The following ACTL6A variants were observed in gnomAD, a reference collection of about 807,000 sequenced individuals.
ACTL6A encodes the protein actin-like protein 6A.
ACTL6A carries 5 observed loss-of-function variants against 59.2 expected under a neutral mutation model. That is an observed-to-expected ratio of 0.08 (90% confidence interval 0.04 to 0.18). ACTL6A has a LOEUF of 0.18. ACTL6A is among the 10% of genes least tolerant of loss of function. The probability of loss-of-function intolerance (pLI) is 1.00; values close to 1 mark genes in which losing one functional copy is unlikely to be tolerated. For missense variants in ACTL6A, 285 were observed against 526.9 expected (o/e 0.54, Z 4.49); for synonymous variants, 154 against 171.8 (o/e 0.90, Z 0.81).
intron 1 of ACTL6A, among the ~76,000 whole-genome samples, chr3:179,564,270 A>G (rs948410697): frequency 1.3e-5 from 2 of 152,216 alleles, no homozygotes; most frequent in African/African-American, 4.8e-5. Flanking sequence ...TCTAGTAGTG[A>G]TGCTGTTTCT....
intron 3 of ACTL6A, among the ~76,000 whole-genome samples, chr3:179,572,968 C>T (rs1316765735): frequency 6.8e-6 from 1 of 147,112 alleles, no homozygotes; most frequent in Admixed American, 7.1e-5. Context: ...CGGGTCTAGA[C>T]CATACAATTC....
chr3:179,583,169 ATGAGT>A (rs1229782401), intron 11 of ACTL6A, 179 bp from the exon 12 acceptor site: 1 of 427,540 alleles, frequency 2.3e-6, no homozygotes, highest in East Asian at 4.1e-5. Flanking sequence ...AGCTCCTTAG[ATGAGT>A]TGAATGTACA....
At position 179,563,135 on chromosome 3, in the gene ACTL6A, G is replaced by T; in HGVS notation, c.25+18G>T. 1 of 1,610,876 alleles carries T rather than the reference G, an allele frequency of 6.2e-7. No individual in the cohort carries two copies. ...CGGGGGAGGTGAGTGAGTGCGGCCGGACGAGAGAGCGCGCCTTTTCGGCGT... is the reference window on the plus strand; with the variant it reads ...CGGGGGAGGTGAGTGAGTGCGGCCGTACGAGAGAGCGCGCCTTTTCGGCGT... On this transcript the variant is annotated intron_variant, in intron 1 of 13. Coordinates refer to ENST00000429709, the MANE Select transcript of ACTL6A (RefSeq NM_004301.5).
At chr3:179,581,809 G>T (rs539529007) in intron 11 of ACTL6A, among the ~76,000 whole-genome samples, 3 of 152,268 alleles carry the variant, frequency 2.0e-5, no homozygotes, top group African/African-American at 7.2e-5. Context: ...GGTTCTTGGA[G>T]ACTGCAACTT....
chr3:179,564,491 CTG>C (rs1473455068), intron 1 of ACTL6A, among the ~76,000 whole-genome samples: 4 of 152,182 alleles, frequency 2.6e-5, no homozygotes, highest in African/African-American at 9.7e-5. Context: ...ATCCAGAACT[CTG>C]TGGTTCTATT....
chr3:179,573,523 T>C, intron 4 of ACTL6A, 54 bp downstream of exon 4: 1 of 1,261,054 alleles, frequency 7.9e-7, no homozygotes, highest in South Asian at 1.5e-5. Context: ...TTTTTTTCTT[T>C]TTTTTTTCCT....
chr3:179,563,730 A>G (rs974998997), intron 1 of ACTL6A, among the ~76,000 whole-genome samples: 1 of 152,132 alleles, frequency 6.6e-6, no homozygotes, highest in Admixed American at 6.5e-5. Flanking sequence ...GAGTCTCCAG[A>G]GTGACTCGTG....
At chr3:179,585,134 C>T (rs1176743100) in intron 12 of ACTL6A, among the ~76,000 whole-genome samples, 3 of 152,080 alleles carry the variant, frequency 2.0e-5, no homozygotes, top group Admixed American at 1.3e-4. Context: ...TGGAGTCTTG[C>T]TCTTGTCCCC....
At position 179,562,968 on chromosome 3, in the gene ACTL6A, C is replaced by A; in HGVS notation, c.-125C>A. ...GGGGTGTGTGGACGCCGCTTTGTTGCCTGAGGTGGGTGGCGGTGGAAGTTA... is the reference window on the plus strand; with the variant it reads ...GGGGTGTGTGGACGCCGCTTTGTTGACTGAGGTGGGTGGCGGTGGAAGTTA... On this transcript the variant is annotated 5_prime_UTR_variant, in exon 1 of 14. Transcript: ENST00000429709. 2.3e-6 allele frequency: 3 copies of A among 1,312,630 alleles called. No individual in the cohort carries two copies. Among genetic ancestry groups the A allele is most frequent in the Non-Finnish European group, 3.2e-6 (3 of 940,342 alleles). 81.3% of individuals were successfully genotyped at this position (1,312,630 alleles called of 1,614,324 possible).
intron 13 of ACTL6A, among the ~76,000 whole-genome samples, chr3:179,587,401 T>C (rs1049232298): frequency 6.6e-6 from 1 of 152,148 alleles, no homozygotes; most frequent in Non-Finnish European, 1.5e-5. Context: ...TTGCCAGATA[T>C]TTTCTAAATC....
At chr3:179,563,150 CT>C in intron 1 of ACTL6A, 33 bp downstream of exon 1, 2 of 1,603,734 alleles carry the variant, frequency 1.2e-6, no homozygotes, top group Non-Finnish European at 1.7e-6. Context: ...GAGAGCGCGC[CT>C]TTTCGGCGTG....
At chr3:179,581,448 A>G (rs1291437026) in intron 11 of ACTL6A, among the ~76,000 whole-genome samples, 2 of 152,224 alleles carry the variant, frequency 1.3e-5, no homozygotes, top group Non-Finnish European at 2.9e-5. Flanking sequence ...GGCAATTTAA[A>G]TTTAAAATAG....
chr3:179,569,762 G>A, intron 1 of ACTL6A, 62 bp from the exon 2 acceptor site: 1 of 1,424,740 alleles, frequency 7.0e-7, no homozygotes. Flanking sequence ...GCTGCAGTGA[G>A]CTGTGATTTT....
chr3:179,572,675 G>C (rs997231013), intron 3 of ACTL6A, among the ~76,000 whole-genome samples: 4 of 151,988 alleles, frequency 2.6e-5, no homozygotes, highest in South Asian at 2.1e-4. Flanking sequence ...TACGGTGGCG[G>C]GCACCTGTAA....
rs540446100 is a variant in ACTL6A, at chr3:179,567,073, G to A, written c.26-2751G>A. Among the ~76,000 whole-genome samples the A allele has an allele frequency of 3.3e-5, 5 of 152,250 alleles. No individual in the cohort carries two copies. In the South Asian group the frequency reaches 1.0e-3, roughly 32 times the overall value. On this transcript the variant is annotated intron_variant, in intron 1 of 13. Coordinates refer to ENST00000429709, the MANE Select transcript of ACTL6A (RefSeq NM_004301.5). The stretch of plus-strand genomic sequence containing the variant: ...ATTTTAACTTAATTACTTCTTCAAA[G>A]ATTCTGGTTTCACCGGGCATGGTAG...
intron 11 of ACTL6A, among the ~76,000 whole-genome samples, chr3:179,583,088 A>G (rs1718383239): frequency 6.6e-6 from 1 of 152,198 alleles, no homozygotes; most frequent in Non-Finnish European, 1.5e-5. Flanking sequence ...CCCCGTCTCT[A>G]AAAGTAACCT....
At chr3:179,576,568 C>G (rs912314997) in intron 6 of ACTL6A, 52 bp from the exon 7 acceptor site, 1 of 1,411,320 alleles carries the variant, frequency 7.1e-7, no homozygotes, top group Non-Finnish European at 9.9e-7. Flanking sequence ...GAAATTCGTT[C>G]AAGGAAGTTT....
rs760962321 is a variant in ACTL6A, at chr3:179,562,927, A to C, written c.-166A>C. On this transcript the variant is annotated 5_prime_UTR_variant, in exon 1 of 14. Transcript: ENST00000429709. ...GATTGGCTGATAGGAGGAGCCAGCA[A>C]GTGTGGCTGAGCTCCGGGGTGTGTG... 5 of 817,300 alleles carry C rather than the reference A, an allele frequency of 6.1e-6. No homozygotes were observed. Among genetic ancestry groups the C allele is most frequent in the South Asian group, 1.5e-5 (1 of 68,860 alleles). 50.6% of individuals were successfully genotyped at this position (817,300 alleles called of 1,614,324 possible).
At position 179,574,435 on chromosome 3, in the gene ACTL6A, C is replaced by G. The variant is rs576158841; in HGVS notation, c.444C>G (p.Ala148=). Residue 148 remains alanine, a synonymous_variant, in exon 5 of 14, where the codon GCC becomes GCG. Coordinates refer to ENST00000429709, the MANE Select transcript of ACTL6A (RefSeq NM_004301.5). The part of the protein sequence containing the change: ...ELMFEHYNIP[A]FFLCKTAVLT... ...TGTTTGAACACTACAACATCCCTGC[C>G]TTCTTCCTTTGCAAAACTGCAGTTT... 19 of 1,613,202 alleles carry G rather than the reference C, an allele frequency of 1.2e-5. No individual in the cohort carries two copies. In the South Asian group the frequency reaches 1.9e-4, roughly 16 times the overall value.
Sources: allele counts gnomAD v4.1 joint callset (sites outside exome capture counted in the v4.1 genomes callset), GRCh38; gene constraint gnomAD v4.1.1; transcripts MANE v1.5; gene names NCBI Gene and HGNC (gene_info 2026-07-23, HGNC 2026-07-21).